Variants in RAB28 observed in about 807,000 individuals in gnomAD.
The protein encoded by RAB28 is ras-related protein Rab-28.
A neutral mutation model predicts 31.7 loss-of-function variants in RAB28; 24 were observed. That is an observed-to-expected ratio of 0.76 (90% CI 0.55 to 1.06). RAB28 has a LOEUF of 1.06. RAB28 is among the 50% of genes least tolerant of loss of function. The pLI, the probability that RAB28 is intolerant of heterozygous loss-of-function variation, is 0.00. For missense variants in RAB28, 254 were observed against 258.5 expected (o/e 0.98, Z 0.12); for synonymous variants, 100 against 90.4 (o/e 1.11, Z -0.60).
chr4:13,457,879 A>G (rs1241346886), intron 4 of RAB28, among the ~76,000 whole-genome samples: 1 of 152,178 alleles, frequency 6.6e-6, no homozygotes, highest in Non-Finnish European at 1.5e-5. Flanking sequence ...GTTAGATTAT[A>G]TCCTGAAAAA....
intron 3 of RAB28, among the ~76,000 whole-genome samples, chr4:13,468,787 A>T (rs111594962): frequency 0.013 from 1,881 of 147,702 alleles, 14 homozygotes; most frequent in Non-Finnish European, 0.018. Flanking sequence ...TTTTTTTTTT[A>T]AAAAAAAAAG....
intron 4 of RAB28, among the ~76,000 whole-genome samples, chr4:13,402,780 ATATTATTATTATTTTTT>A (rs1560278507): frequency 6.6e-6 from 1 of 151,794 alleles, no homozygotes; most frequent in Non-Finnish European, 1.5e-5. Flanking sequence ...TCTGCCTCAT[ATATTATTATTATTTTTT>A]TATTATTATT....
intron 4 of RAB28, among the ~76,000 whole-genome samples, chr4:13,399,765 C>G (rs1711639290): frequency 6.6e-6 from 1 of 151,964 alleles, no homozygotes; most frequent in Admixed American, 6.6e-5. Context: ...CGGCCTTTTT[C>G]TTGTAGATTT....
chr4:13,432,169 T>A (rs541744917), intron 4 of RAB28, among the ~76,000 whole-genome samples: 1 of 152,014 alleles, frequency 6.6e-6, no homozygotes, highest in Non-Finnish European at 1.5e-5. Context: ...AACAATAGAC[T>A]AGACCAAGCA....
intron 4 of RAB28, among the ~76,000 whole-genome samples, chr4:13,406,887 C>A (rs564445218): frequency 6.6e-6 from 1 of 152,158 alleles, no homozygotes; most frequent in Non-Finnish European, 1.5e-5. Flanking sequence ...CTTGTAGATT[C>A]TGGATATTAG....
intron 6 of RAB28, chr4:13,370,657 T>A: frequency 1.0e-6 from 1 of 984,828 alleles, no homozygotes; most frequent in Non-Finnish European, 1.2e-6. Flanking sequence ...TAATACTATT[T>A]ATTACTTGTC....
intron 6 of RAB28, 79 bp downstream of exon 6, chr4:13,376,466 G>T: frequency 9.9e-7 from 1 of 1,009,714 alleles, no homozygotes; most frequent in Non-Finnish European, 1.5e-6. Flanking sequence ...AGGCATAAAT[G>T]GGAAAGAATT....
intron 3 of RAB28, among the ~76,000 whole-genome samples, chr4:13,469,204 A>G (rs1216810688): frequency 3.3e-5 from 5 of 152,044 alleles, no homozygotes; most frequent in Non-Finnish European, 7.4e-5. Context: ...AACATGGAAT[A>G]TATCTTGAAA....
intron 3 of RAB28, among the ~76,000 whole-genome samples, chr4:13,470,464 AG>A (rs1331985936): frequency 6.6e-6 from 1 of 152,080 alleles, no homozygotes; most frequent in Non-Finnish European, 1.5e-5. Context: ...GTACTTAAAA[AG>A]TAGGCTCATC....
intron 6 of RAB28, among the ~76,000 whole-genome samples, chr4:13,374,726 G>C (rs547928557): frequency 6.6e-6 from 1 of 151,928 alleles, no homozygotes; most frequent in South Asian, 2.1e-4. Flanking sequence ...ATTCCATCTT[G>C]ACTTTGGTCT....
chr4:13,392,648 T>A (rs1045172710), intron 4 of RAB28, among the ~76,000 whole-genome samples: 5 of 152,182 alleles, frequency 3.3e-5, no homozygotes, highest in African/African-American at 1.2e-4. Flanking sequence ...AATAAGGTAT[T>A]GTATTCTTGG....
rs1162293765 is a variant in RAB28, at chr4:13,410,296, G to T, written c.392-28702C>A. ...AACACGTATAAAGGAAGAACAGCTGGATAGAGCAGTAAAATCCCCTAAATC... is the reference window on the plus strand; with the variant it reads ...AACACGTATAAAGGAAGAACAGCTGTATAGAGCAGTAAAATCCCCTAAATC... On this transcript the variant is annotated intron_variant, in intron 4 of 6. Transcript: ENST00000330852. 3.9e-5 allele frequency among the ~76,000 whole-genome samples: 6 copies of T among 152,106 alleles called. No individual in the cohort carries two copies. In the South Asian group the frequency reaches 1.2e-3, roughly 32 times the overall value.
At chr4:13,418,594 T>A (rs1712935555) in intron 4 of RAB28, among the ~76,000 whole-genome samples, 1 of 152,188 alleles carries the variant, frequency 6.6e-6, no homozygotes, top group Non-Finnish European at 1.5e-5. Flanking sequence ...CAGGGGCCAA[T>A]ATTCAACATT....
At chr4:13,369,789 T>G in intron 6 of RAB28, 2 of 1,217,082 alleles carry the variant, frequency 1.6e-6, no homozygotes, top group Non-Finnish European at 2.2e-6. Context: ...ACTTCCCTAT[T>G]CATAGGGAAT....
Position 13,464,460 on chromosome 4 carries a change from A to G in RAB28, c.262-3632T>C, listed in dbSNP as rs146314928. Among the ~76,000 whole-genome samples, 336 of 152,210 alleles carry G rather than the reference A, an allele frequency of 2.2e-3. 1 individual carries two copies. Among genetic ancestry groups the G allele is most frequent in the African/African-American group, 7.3e-3 (305 of 41,538 alleles). ...GGGAGGAGCAAAGAAACACTAGTGAAGGTCACAGTCCCGAAATACAAGCCC... is the reference window on the plus strand; with the variant it reads ...GGGAGGAGCAAAGAAACACTAGTGAGGGTCACAGTCCCGAAATACAAGCCC... On this transcript the variant is annotated intron_variant, in intron 3 of 6. Transcript: ENST00000330852.
intron 4 of RAB28, among the ~76,000 whole-genome samples, chr4:13,459,222 G>A (rs1441914898): frequency 6.6e-6 from 1 of 152,110 alleles, no homozygotes; most frequent in East Asian, 1.9e-4. Flanking sequence ...CTGCACTGTT[G>A]GCTTCCCTAC....
intron 4 of RAB28, among the ~76,000 whole-genome samples, chr4:13,411,344 T>C (rs185849840): frequency 2.0e-5 from 3 of 152,300 alleles, no homozygotes; most frequent in South Asian, 2.1e-4. Flanking sequence ...AAACAAAAAG[T>C]TGGTCCATTA....
At chr4:13,407,341 C>T (rs544307863) in intron 4 of RAB28, among the ~76,000 whole-genome samples, 61 of 152,170 alleles carry the variant, frequency 4.0e-4, no homozygotes, top group African/African-American at 1.3e-3. Context: ...ATTTCTGAGG[C>T]CTCTGTTCTG....
intron 4 of RAB28, among the ~76,000 whole-genome samples, chr4:13,421,164 A>C (rs1313242215): frequency 6.6e-6 from 1 of 151,978 alleles, no homozygotes; most frequent in Non-Finnish European, 1.5e-5. Flanking sequence ...AATTGCTTCA[A>C]AGAGAATAAA....
Sources: gnomAD v4.1 joint callset for allele counts (sites outside exome capture counted in the v4.1 genomes callset) on GRCh38, gnomAD v4.1.1 for gene constraint, MANE v1.5 for transcripts, NCBI Gene and HGNC (gene_info 2026-07-23, HGNC 2026-07-21) for gene names.